The following CPVL variants were observed in gnomAD, a reference collection of about 807,000 sequenced individuals.
CPVL encodes probable serine carboxypeptidase CPVL.
Under a neutral mutation model 63.7 loss-of-function variants are expected in CPVL, and 51 were observed. The ratio of observed to expected loss-of-function variants is 0.80; its 90% CI spans 0.64 to 1.01. CPVL has a LOEUF of 1.01. CPVL is among the 50% of genes least tolerant of loss of function. The pLI is 0.00. For missense variants in CPVL, 530 were observed against 573.1 expected (o/e 0.92, Z 0.77); for synonymous variants, 195 against 206.0 (o/e 0.95, Z 0.46).
At chr7:29,066,660 C>G (rs1268593875) in intron 9 of CPVL, among the ~76,000 whole-genome samples, 1 of 152,164 alleles carries the variant, frequency 6.6e-6, no homozygotes, top group Non-Finnish European at 1.5e-5. Context: ...GGAAGGGTGC[C>G]TTAACATGGA....
intron 5 of CPVL, among the ~76,000 whole-genome samples, chr7:29,152,017 G>T (rs75607487): frequency 0.017 from 2,547 of 152,150 alleles, 55 homozygotes; most frequent in African/African-American, 0.057. Context: ...TATTTTCTTC[G>T]AATGGAAATA....
chr7:29,101,851 G>A (rs957528865), intron 3 of CPVL, among the ~76,000 whole-genome samples: 6 of 150,988 alleles, frequency 4.0e-5, no homozygotes, highest in South Asian at 2.1e-4. Flanking sequence ...ACATACACAC[G>A]TTTTTTTTCC....
chr7:29,096,492 C>T (rs1786413343), intron 3 of CPVL: 1 of 490,084 alleles, frequency 2.0e-6, no homozygotes, highest in Non-Finnish European at 3.7e-6. Flanking sequence ...AATGTAGATG[C>T]TTGGCTTGTG....
intron 11 of CPVL, among the ~76,000 whole-genome samples, chr7:29,046,697 A>G (rs939791891): frequency 1.3e-5 from 2 of 152,166 alleles, no homozygotes; most frequent in African/African-American, 4.8e-5. Flanking sequence ...CATTTTCAGA[A>G]TCTTCAAGAA....
intron 3 of CPVL, among the ~76,000 whole-genome samples, chr7:29,105,268 C>T (rs1056713006): frequency 2.0e-5 from 3 of 152,182 alleles, no homozygotes; most frequent in Non-Finnish European, 4.4e-5. Flanking sequence ...TCTCAGCTGA[C>T]TGGACCAAGG....
intron 5 of CPVL, 152 bp from the exon 6 acceptor site, chr7:29,092,854 C>T (rs1272718111): frequency 1.6e-6 from 1 of 636,084 alleles, no homozygotes; most frequent in East Asian, 2.7e-5. Context: ...TTTAGCCCTC[C>T]TCCCAGGAGG....
At chr7:29,032,059 A>C (rs1023877914) in intron 11 of CPVL, among the ~76,000 whole-genome samples, 1 of 152,084 alleles carries the variant, frequency 6.6e-6, no homozygotes, top group Admixed American at 6.5e-5. Flanking sequence ...TTGCCACTCC[A>C]CCTCCAACAA....
chr7:29,100,500 T>A (rs1787007750), intron 3 of CPVL, among the ~76,000 whole-genome samples: 1 of 151,974 alleles, frequency 6.6e-6, no homozygotes, highest in African/African-American at 2.4e-5. Context: ...CAGCCTGTCC[T>A]CCCCTATCCT....
intron 5 of CPVL, among the ~76,000 whole-genome samples, chr7:29,176,666 A>G (rs1010415499): frequency 6.6e-6 from 1 of 152,232 alleles, no homozygotes; most frequent in Non-Finnish European, 1.5e-5. Flanking sequence ...TCTAATATAC[A>G]AGAAAGAATT....
chr7:29,046,049 G>T (rs1789573847), intron 11 of CPVL, among the ~76,000 whole-genome samples: 1 of 149,596 alleles, frequency 6.7e-6, no homozygotes, highest in East Asian at 2.0e-4. Context: ...ACAGGGAAAT[G>T]TAACTTTATA....
chr7:29,039,519 C>T (rs1189917990), intron 11 of CPVL, among the ~76,000 whole-genome samples: 4 of 152,158 alleles, frequency 2.6e-5, no homozygotes, highest in Non-Finnish European at 5.9e-5. Flanking sequence ...GCTTTTAATA[C>T]AGCCTGAGAG....
At chr7:29,164,268 C>T (rs1357758796) in intron 5 of CPVL, among the ~76,000 whole-genome samples, 1 of 152,028 alleles carries the variant, frequency 6.6e-6, no homozygotes. Flanking sequence ...TTTTTATGTG[C>T]TTATTTCCTG....
chr7:29,068,594 G>T (rs1471324123), intron 9 of CPVL, among the ~76,000 whole-genome samples: 1 of 152,018 alleles, frequency 6.6e-6, no homozygotes, highest in Non-Finnish European at 1.5e-5. Context: ...TGGAGAAGTG[G>T]CCACCTCTTA....
At chr7:29,088,623 T>G (rs1313044203) in intron 6 of CPVL, among the ~76,000 whole-genome samples, 8 of 152,242 alleles carry the variant, frequency 5.3e-5, no homozygotes, top group African/African-American at 1.9e-4. Context: ...GTGAGCATTT[T>G]CTAGAAAATA....
chr7:29,060,723 G>A (rs1022932686), intron 11 of CPVL, among the ~76,000 whole-genome samples: 4 of 152,158 alleles, frequency 2.6e-5, no homozygotes, highest in African/African-American at 9.7e-5. Flanking sequence ...AACCCAGGAA[G>A]GTCTTCCTTC....
intron 5 of CPVL, among the ~76,000 whole-genome samples, chr7:29,176,933 A>C (rs978042172): frequency 6.6e-6 from 1 of 152,200 alleles, no homozygotes; most frequent in Non-Finnish European, 1.5e-5. Flanking sequence ...GTTAACTTCT[A>C]AATGAATAGA....
chr7:29,081,294 TC>T (rs369550756), intron 7 of CPVL: 1 of 152,370 alleles, frequency 6.6e-6, no homozygotes, highest in African/African-American at 2.4e-5. Flanking sequence ...TATGTTTTTT[TC>T]ATGCCTTGAG....
rs2128155246 is a variant in CPVL, at chr7:29,032,239, A to C, written c.1138-1480T>G. Among the ~76,000 whole-genome samples the C allele has an allele frequency of 1.3e-5, 2 of 152,184 alleles. 1 individual carries two copies. The highest frequency in any genetic ancestry group is 4.1e-4 in the South Asian group (2 of 4,826). On this transcript the variant is annotated intron_variant, in intron 11 of 12. Transcript: ENST00000265394. ...CTTAAAAGGCTCAAACATAATTAAA[A>C]AGCCCAGGACTTTTACACACTCCAA...
chr7:29,007,406 C>T (rs1785302254), intron 12 of CPVL, among the ~76,000 whole-genome samples: 2 of 152,018 alleles, frequency 1.3e-5, no homozygotes, highest in African/African-American at 4.8e-5. Flanking sequence ...TTATTATTTC[C>T]TTTGTCTTCA....
Sources: gnomAD v4.1 joint callset for allele counts (sites outside exome capture counted in the v4.1 genomes callset) on GRCh38, gnomAD v4.1.1 for gene constraint, MANE v1.5 for transcripts, NCBI Gene and HGNC (gene_info 2026-07-23, HGNC 2026-07-21) for gene names.